The following AHCY variants were observed in gnomAD, a reference collection of about 807,000 sequenced individuals.
The protein encoded by AHCY is S-adenosyl-L-homocysteine hydrolase.
Under a neutral mutation model 45.4 loss-of-function variants are expected in AHCY, and 24 were observed. The observed-to-expected ratio is 0.53, with a 90% CI of 0.38 to 0.74. AHCY has a LOEUF of 0.74. AHCY is among the 30% of genes least tolerant of loss of function. The pLI is 0.00. For missense variants in AHCY, 449 were observed against 594.1 expected, an observed-to-expected ratio of 0.76 and a Z score of 2.54; for synonymous variants, 245 against 235.1, an observed-to-expected ratio of 1.04 and a Z score of -0.39.
At chr20:34,263,456 T>G in the AHCY span, among the ~76,000 whole-genome samples, 1 of 151,910 alleles carries the variant, frequency 6.6e-6, no homozygotes, top group South Asian at 2.1e-4. Context: ...TCCCAGCTAC[T>G]TGGGAGGCTG....
chr20:34,234,473 CTTTT>C, the AHCY span, among the ~76,000 whole-genome samples: 1 of 152,092 alleles, frequency 6.6e-6, no homozygotes, highest in African/African-American at 2.4e-5. Flanking sequence ...TTCTTTCTTT[CTTTT>C]TCCTTTTCTC....
At chr20:34,278,319 G>T (rs1344883590), downstream of AHCY, among the ~76,000 whole-genome samples, 1 of 152,164 alleles carries the variant, frequency 6.6e-6, no homozygotes, top group Non-Finnish European at 1.5e-5. Context: ...AAGGGAGGTG[G>T]GGGGCTACAT....
At chr20:34,260,798 T>C in the AHCY span, among the ~76,000 whole-genome samples, 4 of 152,356 alleles carry the variant, frequency 2.6e-5, no homozygotes, top group African/African-American at 9.6e-5. Flanking sequence ...TTGTTTAATT[T>C]AGCATTTCTG....
chr20:34,282,712 CA>C (rs1175897079), intron 9 of AHCY, among the ~76,000 whole-genome samples: 1 of 152,116 alleles, frequency 6.6e-6, no homozygotes, highest in Non-Finnish European at 1.5e-5. Flanking sequence ...TTCAAAGCCC[CA>C]AAATGTGTCT....
chr20:34,308,742 C>T (rs1181224529), intron 1 of AHCY, among the ~76,000 whole-genome samples: 1 of 151,518 alleles, frequency 6.6e-6, no homozygotes, highest in Non-Finnish European at 1.5e-5. Flanking sequence ...CAACCTCCGC[C>T]TCCCGGGTTC....
the AHCY span, chr20:34,268,997 G>A: frequency 1.2e-6 from 2 of 1,605,362 alleles, no homozygotes; most frequent in Non-Finnish European, 1.7e-6. Flanking sequence ...GCAGAAGGAG[G>A]CTTCGATGAA....
the AHCY span, chr20:34,246,018 G>T: frequency 9.8e-7 from 1 of 1,020,260 alleles, no homozygotes; most frequent in South Asian, 1.3e-5. Context: ...TTTTCTGAAT[G>T]ACATGAATTA....
rs770973046 is a variant in AHCY, at chr20:34,290,670, C to T, written c.767-32G>A. On this transcript the variant is annotated intron_variant, in intron 6 of 9. Coordinates refer to ENST00000217426, the MANE Select transcript of AHCY (RefSeq NM_000687.4). The surrounding 1 kb of genome is among the most constrained non-coding windows in gnomAD (Gnocchi z 4.5). ...AGAGACAGTGGCTGTGGGTCATCTA[C>T]GGTGGCCTTGCCCCTCCCTCTGGCC... is the stretch of plus-strand genomic sequence containing the variant. 18 of 1,613,838 alleles carry T rather than the reference C, an allele frequency of 1.1e-5. No individual in the cohort carries two copies. Among genetic ancestry groups the T allele is most frequent in the East Asian group, 4.5e-5 (2 of 44,882 alleles).
At chr20:34,266,235 C>A in the AHCY span, among the ~76,000 whole-genome samples, 2 of 152,012 alleles carry the variant, frequency 1.3e-5, no homozygotes, top group East Asian at 3.9e-4. Flanking sequence ...GCCTGTAGTC[C>A]CAGCTACTTG....
the AHCY span, chr20:34,269,073 C>T: frequency 3.2e-6 from 5 of 1,576,214 alleles, no homozygotes; most frequent in Non-Finnish European, 3.4e-6. Context: ...AGCTGCAAGC[C>T]GCCGGCACCC....
the AHCY span, among the ~76,000 whole-genome samples, chr20:34,238,215 T>C: frequency 6.6e-6 from 1 of 152,192 alleles, no homozygotes; most frequent in African/African-American, 2.4e-5. Context: ...TCTTAATCAA[T>C]GTTTCTTCAA....
At chr20:34,235,204 G>A in the AHCY span, among the ~76,000 whole-genome samples, 6 of 152,210 alleles carry the variant, frequency 3.9e-5, no homozygotes, top group African/African-American at 1.4e-4. Flanking sequence ...CACTTTGAGA[G>A]GCCGAGGTGG....
At chr20:34,277,369 C>G (rs2035917596), downstream of AHCY, among the ~76,000 whole-genome samples, 1 of 152,154 alleles carries the variant, frequency 6.6e-6, no homozygotes, top group Non-Finnish European at 1.5e-5. Flanking sequence ...CCCTTAGTTC[C>G]AAGATCCTAT....
chr20:34,292,081 T>A (rs2036415472), intron 4 of AHCY, among the ~76,000 whole-genome samples: 1 of 152,216 alleles, frequency 6.6e-6, no homozygotes, highest in Middle Eastern at 3.2e-3. Flanking sequence ...GCCTCTGCAC[T>A]CTGCGTACCT....
the AHCY span, chr20:34,269,252 C>T: frequency 7.1e-7 from 1 of 1,408,332 alleles, no homozygotes. Flanking sequence ...AGGGCGGCTT[C>T]CCAGGGCTGC....
chr20:34,293,731 G>T, intron 3 of AHCY: 1 of 385,010 alleles, frequency 2.6e-6, no homozygotes, highest in Non-Finnish European at 5.0e-6. Flanking sequence ...CCATACCCTA[G>T]GCAGTGAACC....
chr20:34,294,007 CT>C, intron 3 of AHCY, 73 bp downstream of exon 3: 1 of 1,460,940 alleles, frequency 6.8e-7, no homozygotes, highest in Non-Finnish European at 9.6e-7. Flanking sequence ...AAGTCTGTTG[CT>C]CTAGCAGTCA....
chr20:34,292,546 A>T, intron 3 of AHCY, 39 bp from the exon 4 acceptor site: 1 of 1,613,246 alleles, frequency 6.2e-7, no homozygotes, highest in South Asian at 1.1e-5. Context: ...GGACTTCCCA[A>T]CTGGTACCTG....
At chr20:34,299,760 A>G (rs535848510) in intron 1 of AHCY, among the ~76,000 whole-genome samples, 5 of 152,288 alleles carry the variant, frequency 3.3e-5, no homozygotes, top group African/African-American at 1.2e-4. Context: ...ACCACCATTC[A>G]ACCAGCTACT....
Sources: gnomAD v4.1 joint callset for allele counts (sites outside exome capture counted in the v4.1 genomes callset) on GRCh38, gnomAD v4.1.1 for gene constraint, Gnocchi (gnomAD v3.1) non-coding constraint, MANE v1.5 for transcripts, NCBI Gene and HGNC (gene_info 2026-07-23, HGNC 2026-07-21) for gene names.